Variants in PDZRN4 observed in about 807,000 individuals in gnomAD.
PDZRN4 encodes the protein PDZ domain containing ring finger 4.
Under a neutral mutation model 99.0 loss-of-function variants are expected in PDZRN4, and 70 were observed. The ratio of observed to expected loss-of-function variants is 0.71; its 90% CI spans 0.58 to 0.86. The LOEUF (loss-of-function observed/expected upper bound fraction) is 0.86, where lower values mean the gene tolerates loss of function less well. PDZRN4 is among the 40% of genes least tolerant of loss of function. PDZRN4 has a pLI of 0.00. For synonymous variants in PDZRN4, 551 were observed against 501.6 expected (o/e 1.10, Z -1.32); for missense variants, 1,474 against 1,331.2 (o/e 1.11, Z -1.67).
chr12:41,486,617 C>T (rs547266670), intron 3 of PDZRN4, among the ~76,000 whole-genome samples: 1 of 151,702 alleles, frequency 6.6e-6, no homozygotes, highest in South Asian at 2.1e-4. Context: ...AAAGTGCAAG[C>T]AATGGCAGAG....
intron 3 of PDZRN4, among the ~76,000 whole-genome samples, chr12:41,252,120 A>G (rs1951175065): frequency 6.6e-6 from 1 of 150,440 alleles, no homozygotes; most frequent in Admixed American, 6.6e-5. Flanking sequence ...TGTTTTAAAT[A>G]AATAAATAAA....
chr12:41,392,756 A>G (rs1195905082), intron 3 of PDZRN4, among the ~76,000 whole-genome samples: 1 of 152,212 alleles, frequency 6.6e-6, no homozygotes, highest in Admixed American at 6.6e-5. Context: ...AAGATTCCTA[A>G]TGAAACTACA....
intron 9 of PDZRN4, among the ~76,000 whole-genome samples, chr12:41,569,530 C>T (rs555030298): frequency 1.3e-5 from 2 of 152,316 alleles, no homozygotes; most frequent in South Asian, 2.1e-4. Flanking sequence ...GTTGGGATTG[C>T]AGGCATGAGC....
intron 6 of PDZRN4, among the ~76,000 whole-genome samples, chr12:41,554,105 A>G (rs997490620): frequency 1.3e-5 from 2 of 152,234 alleles, no homozygotes; most frequent in Non-Finnish European, 2.9e-5. Context: ...CAACTTATGT[A>G]CTTCTTTTAA....
chr12:41,246,146 T>C (rs1370511901), intron 3 of PDZRN4, among the ~76,000 whole-genome samples: 4 of 152,210 alleles, frequency 2.6e-5, no homozygotes, highest in Non-Finnish European at 5.9e-5. Flanking sequence ...TTTTTGATAA[T>C]TTGCTTTGAT....
intron 3 of PDZRN4, among the ~76,000 whole-genome samples, chr12:41,231,403 G>A (rs1189387300): frequency 6.6e-5 from 10 of 152,018 alleles, no homozygotes; most frequent in African/African-American, 2.4e-4. Context: ...GATCAGATTT[G>A]GTCTGTTGTG....
chr12:41,255,121 A>G (rs1951195316), intron 3 of PDZRN4, among the ~76,000 whole-genome samples: 1 of 152,106 alleles, frequency 6.6e-6, no homozygotes, highest in Admixed American at 6.6e-5. Context: ...AAAGGGGACT[A>G]ATTGATGCAG....
At chr12:41,503,581 T>G (rs548516724) in intron 3 of PDZRN4, among the ~76,000 whole-genome samples, 1 of 152,300 alleles carries the variant, frequency 6.6e-6, no homozygotes, top group South Asian at 2.1e-4. Context: ...CTACTTAGCT[T>G]ATAGTAACAC....
intron 5 of PDZRN4, among the ~76,000 whole-genome samples, chr12:41,528,205 T>C (rs1373514930): frequency 2.3e-4 from 34 of 150,986 alleles, no homozygotes; most frequent in African/African-American, 8.2e-4. Flanking sequence ...TGTTTTTGTT[T>C]TTGTTTTTGT....
At chr12:41,345,267 A>T (rs1025651217) in intron 3 of PDZRN4, among the ~76,000 whole-genome samples, 1 of 152,210 alleles carries the variant, frequency 6.6e-6, no homozygotes, top group Non-Finnish European at 1.5e-5. Context: ...CACGGCACAG[A>T]CGCGTTCCTT....
At chr12:41,212,255 A>T (rs1950893091) in intron 3 of PDZRN4, among the ~76,000 whole-genome samples, 1 of 152,068 alleles carries the variant, frequency 6.6e-6, no homozygotes, top group South Asian at 2.1e-4. Flanking sequence ...ACATATTACA[A>T]TATCAATGCA....
chr12:41,278,856 G>A (rs12315979), intron 3 of PDZRN4, among the ~76,000 whole-genome samples: 12,366 of 152,150 alleles, frequency 0.081, 642 homozygotes, highest in African/African-American at 0.14. Context: ...TATTTGTTTT[G>A]GGATGCCATT....
chr12:41,261,254 T>C (rs1313465750), intron 3 of PDZRN4, among the ~76,000 whole-genome samples: 1 of 152,132 alleles, frequency 6.6e-6, no homozygotes, highest in African/African-American at 2.4e-5. Flanking sequence ...ATTCAGAATA[T>C]TTGTGAAGAA....
intron 3 of PDZRN4, among the ~76,000 whole-genome samples, chr12:41,253,788 G>A (rs1392594294): frequency 6.6e-6 from 1 of 152,120 alleles, no homozygotes; most frequent in African/African-American, 2.4e-5. Context: ...TATACACAAT[G>A]AGATATTATT....
At chr12:41,508,878 A>C (rs1938254995) in intron 4 of PDZRN4, among the ~76,000 whole-genome samples, 1 of 152,274 alleles carries the variant, frequency 6.6e-6, no homozygotes, top group South Asian at 2.1e-4. Context: ...TTTTTCAAAA[A>C]GATCCACACT....
intron 5 of PDZRN4, among the ~76,000 whole-genome samples, chr12:41,516,785 C>A (rs1449952147): frequency 6.7e-6 from 1 of 148,500 alleles, no homozygotes; most frequent in East Asian, 2.0e-4. Context: ...TTTTTTTTTA[C>A]TTTCGAAAGT....
intron 3 of PDZRN4, among the ~76,000 whole-genome samples, chr12:41,222,210 T>G (rs535258875): frequency 4.9e-4 from 75 of 152,326 alleles, no homozygotes; most frequent in African/African-American, 1.7e-3. Flanking sequence ...CCATATGGTA[T>G]TTTTTGCTAG....
chr12:41,493,623 C>T (rs1024818550), intron 3 of PDZRN4, among the ~76,000 whole-genome samples: 1 of 152,060 alleles, frequency 6.6e-6, no homozygotes, highest in Admixed American at 6.6e-5. Context: ...AGACCTGAAA[C>T]CTTCAGTTGG....
chr12:41,538,636 C>T (rs725527), intron 5 of PDZRN4, among the ~76,000 whole-genome samples: 22,642 of 151,822 alleles, frequency 0.15, 2,126 homozygotes, highest in Non-Finnish European at 0.21. Context: ...CCAAGGAAAA[C>T]GCAATTGATA....
Sources: allele counts gnomAD v4.1 joint callset (sites outside exome capture counted in the v4.1 genomes callset), GRCh38; gene constraint gnomAD v4.1.1; transcripts MANE v1.5; gene names NCBI Gene and HGNC (gene_info 2026-07-23, HGNC 2026-07-21).